CAV1: variants seen among roughly 807,000 people sequenced by gnomAD.
CAV1 encodes the protein caveolin 1.
CAV1 carries 10 observed loss-of-function variants against 16.5 expected under a neutral mutation model. The observed-to-expected ratio is 0.61, with a 90% CI of 0.37 to 1.03. The LOEUF is 1.03. CAV1 is among the 50% of genes least tolerant of loss of function. The probability of loss-of-function intolerance (pLI) is 0.01; values close to 1 mark genes in which losing one functional copy is unlikely to be tolerated. For synonymous variants in CAV1, 76 were observed against 85.1 expected (o/e 0.89, Z 0.59); for missense variants, 212 against 232.8 (o/e 0.91, Z 0.58).
Position 116,555,518 on chromosome 7 carries a change from A to AAGAAAGAAAGAAAGAAAGAGAG in CAV1, c.196-3425_196-3424insAAGAAAGAAAGAAAGAGAGAGA, listed in dbSNP as rs1554357869. Among the ~76,000 whole-genome samples the AAGAAAGAAAGAAAGAAAGAGAG allele has an allele frequency of 1.4e-4, 2 of 14,036 alleles. 1 individual carries two copies. The highest frequency in any genetic ancestry group is 2.8e-4 in the Non-Finnish European group (2 of 7,206). 9.2% of individuals were successfully genotyped at this position (14,036 alleles called of 152,430 possible). On this transcript the variant is annotated intron_variant, in intron 2 of 2. Coordinates refer to ENST00000341049, the MANE Select transcript of CAV1 (RefSeq NM_001753.5). The stretch of plus-strand genomic sequence containing the variant: ...AAAGAAAGAAAGAAAGAAAGAAAGA[A>AAGAAAGAAAGAAAGAAAGAGAG]AGAGAGAGAGAGAGAGAGAGAGAGA...
intron 2 of CAV1, among the ~76,000 whole-genome samples, chr7:116,533,265 G>A (rs903207793): frequency 1.3e-5 from 2 of 151,962 alleles, no homozygotes; most frequent in African/African-American, 4.8e-5. Context: ...TTGAACCCAG[G>A]AGGCCAAGAT....
chr7:116,535,915 G>A (rs1793803468), intron 2 of CAV1, among the ~76,000 whole-genome samples: 1 of 152,106 alleles, frequency 6.6e-6, no homozygotes, highest in African/African-American at 2.4e-5. Context: ...AAGTTTTGAT[G>A]TTGTACATAT....
At chr7:116,526,820 A>G in intron 2 of CAV1, 131 bp downstream of exon 2, 1 of 1,055,248 alleles carries the variant, frequency 9.5e-7, no homozygotes, top group Non-Finnish European at 1.4e-6. Context: ...ACACACACAC[A>G]CAGAGTTTTG....
Position 116,525,455 on chromosome 7 carries a change from A to G in CAV1, c.30+363A>G, listed in dbSNP as rs115877240. ...CCGGCCCTGCCTGCTGGGGGTTCGA[A>G]GAGGTGGAGTGCAGGGTGGAGGTGT... On this transcript the variant is annotated intron_variant, in intron 1 of 2. Transcript: ENST00000341049. 1,459 of 1,373,364 alleles carry G rather than the reference A, an allele frequency of 1.1e-3. 12 individuals carry two copies. The African/African-American group carries it at 0.017, about 16-fold the overall frequency. The allele number at this position is 1,373,364 out of a possible 1,614,324, so 85.1% of individuals were successfully genotyped here.
Position 116,557,043 on chromosome 7 carries a change from C to T in CAV1, c.196-1903C>T, listed in dbSNP as rs190497630. Among the ~76,000 whole-genome samples, 25 of 152,260 alleles carry T rather than the reference C, an allele frequency of 1.6e-4. No individual in the cohort carries two copies. The East Asian group carries it at 3.5e-3, about 21-fold the overall frequency. On this transcript the variant is annotated intron_variant, in intron 2 of 2. Coordinates refer to ENST00000341049, the MANE Select transcript of CAV1 (RefSeq NM_001753.5). ...AATAGACAAATAATTTGCACAGAAA[C>T]TTCATAAAAGTATTGACCTGATTTG... is the stretch of plus-strand genomic sequence containing the variant.
chr7:116,530,345 T>C (rs113889505), intron 2 of CAV1, among the ~76,000 whole-genome samples: 91 of 152,228 alleles, frequency 6.0e-4, no homozygotes, highest in African/African-American at 2.1e-3. Context: ...TCTTATGTGA[T>C]CTCTACTGTA....
chr7:116,547,229 G>T (rs151139982), intron 2 of CAV1, among the ~76,000 whole-genome samples: 2 of 152,304 alleles, frequency 1.3e-5, no homozygotes, highest in East Asian at 1.9e-4. Context: ...AACAGAGCTT[G>T]TTGAAGGGGG....
chr7:116,559,531 T>G lies in CAV1; in HGVS notation c.*244T>G. 3.3e-6 allele frequency: 2 copies of G among 599,712 alleles called. No homozygotes were observed. Among genetic ancestry groups the G allele is most frequent in the Non-Finnish European group, 5.9e-6 (2 of 340,542 alleles). 37.1% of individuals were successfully genotyped at this position (599,712 alleles called of 1,614,324 possible). A position where few individuals can be genotyped will look rare whatever the true frequency, so the allele number is the denominator to read the frequency against. On this transcript the variant is annotated 3_prime_UTR_variant, in exon 3 of 3. Coordinates refer to ENST00000341049, the MANE Select transcript of CAV1 (RefSeq NM_001753.5). ...TTTTTTCCTTACCTTTTTATTTGCA[T>G]GTGGATCAACCATCGCTTTATTGGC...
chr7:116,534,702 G>A (rs1486272667), intron 2 of CAV1, among the ~76,000 whole-genome samples: 1 of 151,774 alleles, frequency 6.6e-6, no homozygotes, highest in Non-Finnish European at 1.5e-5. Context: ...ACCCGGCCCA[G>A]ATATATTAAA....
At chr7:116,536,972 C>A (rs980356410) in intron 2 of CAV1, among the ~76,000 whole-genome samples, 2 of 137,358 alleles carry the variant, frequency 1.5e-5, no homozygotes, top group Admixed American at 1.7e-4. Flanking sequence ...CATTGCAGTC[C>A]GCAGTCCGGC....
chr7:116,530,970 G>A (rs1184750859), intron 2 of CAV1, among the ~76,000 whole-genome samples: 1 of 152,186 alleles, frequency 6.6e-6, no homozygotes, highest in African/African-American at 2.4e-5. Flanking sequence ...ATTGCATCAT[G>A]GTCCAGATGT....
chr7:116,556,423 T>G (rs1156456461), intron 2 of CAV1, among the ~76,000 whole-genome samples: 1 of 152,210 alleles, frequency 6.6e-6, no homozygotes, highest in Non-Finnish European at 1.5e-5. Context: ...TTGAAAACCA[T>G]TTTTGTAAAG....
At chr7:116,552,235 T>A (rs1379188411) in intron 2 of CAV1, among the ~76,000 whole-genome samples, 1 of 152,194 alleles carries the variant, frequency 6.6e-6, no homozygotes, top group Non-Finnish European at 1.5e-5. Context: ...AAGAATATAT[T>A]AATTTGTTTC....
In CAV1 at chr7:116,559,524, A is replaced by G; in HGVS notation, c.*237A>G. The G allele has an allele frequency of 1.7e-6, 1 of 598,834 alleles. No individual in the cohort carries two copies. Among genetic ancestry groups the G allele is most frequent in the Non-Finnish European group, 2.9e-6 (1 of 340,566 alleles). The allele number at this position is 598,834 out of a possible 1,614,324, so 37.1% of individuals were successfully genotyped here. A position where few individuals can be genotyped will look rare whatever the true frequency, so the allele number is the denominator to read the frequency against. ...TTTAAATTTTTTTCCTTACCTTTTT[A>G]TTTGCATGTGGATCAACCATCGCTT... On this transcript the variant is annotated 3_prime_UTR_variant, in exon 3 of 3. Transcript: ENST00000341049.
At chr7:116,555,576 G>GAAAGAA (rs1562838519) in intron 2 of CAV1, among the ~76,000 whole-genome samples, 1 of 63,942 alleles carries the variant, frequency 1.6e-5, no homozygotes, top group African/African-American at 6.7e-5. Flanking sequence ...AAGAAAGAAA[G>GAAAGAA]AAAGAAAGAA....
At chr7:116,538,133 C>T (rs1485173703) in intron 2 of CAV1, among the ~76,000 whole-genome samples, 3 of 152,120 alleles carry the variant, frequency 2.0e-5, no homozygotes, top group African/African-American at 7.2e-5. Flanking sequence ...AATTTGCCTG[C>T]TCAATTTCTA....
In CAV1 at chr7:116,534,381, A is replaced by T. The variant is rs1239942567; in HGVS notation, c.195+7692A>T. On this transcript the variant is annotated intron_variant, in intron 2 of 2. Transcript: ENST00000341049. ...ACCTCAGATATATATATATATATAT[A>T]TATATATATATATATTTTTTTTTTT... 1.2e-3 allele frequency among the ~76,000 whole-genome samples: 14 copies of T among 11,512 alleles called. 1 individual carries two copies. Among genetic ancestry groups the T allele is most frequent in the South Asian group, 3.2e-3 (1 of 308 alleles). The allele number at this position is 11,512 out of a possible 152,430, so 7.6% of individuals were successfully genotyped here. A position where few individuals can be genotyped will look rare whatever the true frequency, so the allele number is the denominator to read the frequency against.
chr7:116,559,894 T>C lies in CAV1; in HGVS notation c.*607T>C, dbSNP rs565604311. The C allele has an allele frequency of 4.3e-4, 172 of 399,502 alleles. No homozygotes were observed. Among genetic ancestry groups the C allele is most frequent in the Middle Eastern group, 3.2e-3 (5 of 1,582 alleles). 24.7% of individuals were successfully genotyped at this position (399,502 alleles called of 1,614,324 possible). A position where few individuals can be genotyped will look rare whatever the true frequency, so the allele number is the denominator to read the frequency against. On this transcript the variant is annotated 3_prime_UTR_variant, in exon 3 of 3. Coordinates refer to ENST00000341049, the MANE Select transcript of CAV1 (RefSeq NM_001753.5). Reference sequence around the variant, plus strand: ...TTACTCTTCTTGAAATTTTAACCTATGATATTTTCTGTGCCTGAATATTTG... The same window carrying C: ...TTACTCTTCTTGAAATTTTAACCTACGATATTTTCTGTGCCTGAATATTTG...
chr7:116,539,379 A>G (rs1793892063), intron 2 of CAV1, among the ~76,000 whole-genome samples: 1 of 152,136 alleles, frequency 6.6e-6, no homozygotes, highest in Admixed American at 6.5e-5. Flanking sequence ...TGCCCCATGC[A>G]GAGTCAGACA....
Sources: allele counts gnomAD v4.1 joint callset (sites outside exome capture counted in the v4.1 genomes callset), GRCh38; gene constraint gnomAD v4.1.1; transcripts MANE v1.5; gene names NCBI Gene and HGNC (gene_info 2026-07-23, HGNC 2026-07-21).